The following PCLO variants were observed in gnomAD, a reference collection of about 807,000 sequenced individuals.
PCLO encodes protein piccolo.
A neutral mutation model predicts 427.5 loss-of-function variants in PCLO; 82 were observed. The observed-to-expected ratio is 0.19, with a 90% confidence interval of 0.16 to 0.23. The LOEUF (loss-of-function observed/expected upper bound fraction) is 0.23, where lower values mean the gene tolerates loss of function less well. Among genes scored for constraint, PCLO ranks in the 10% least tolerant of loss-of-function variants. PCLO has a pLI of 1.00. For missense variants in PCLO, 6,239 were observed against 6,115.9 expected (o/e 1.02, Z -0.67); for synonymous variants, 2,357 against 2,155.4 (o/e 1.09, Z -2.59).
chr7:83,016,132 A>T (rs1220414822), intron 3 of PCLO, among the ~76,000 whole-genome samples: 1 of 152,140 alleles, frequency 6.6e-6, no homozygotes, highest in African/African-American at 2.4e-5. Context: ...AAGAAAGGAC[A>T]TGGCACAGGG....
At chr7:82,979,840 AT>A (rs1161522640) in intron 3 of PCLO, among the ~76,000 whole-genome samples, 1 of 152,224 alleles carries the variant, frequency 6.6e-6, no homozygotes, top group Non-Finnish European at 1.5e-5. Flanking sequence ...CAGCAAATAC[AT>A]TACCATTAGT....
At position 83,097,338 on chromosome 7, in the gene PCLO, C is replaced by G. The variant is rs956317467; in HGVS notation, c.3300+36912G>C. 4.2e-5 allele frequency among the ~76,000 whole-genome samples: 6 copies of G among 143,484 alleles called. 1 individual carries two copies. The Admixed American group carries it at 4.4e-4, about 11-fold the overall frequency. The allele number at this position is 143,484 out of a possible 152,430, so 94.1% of individuals were successfully genotyped here. A position where few individuals can be genotyped will look rare whatever the true frequency, so the allele number is the denominator to read the frequency against. On this transcript the variant is annotated intron_variant, in intron 3 of 24. Transcript: ENST00000333891. ...GAGATCAAGACCATCCTGGCTAAAA[C>G]GATGAAACCCCATCTCCACTACAAA...
chr7:82,903,749 A>G (rs1318541669), intron 8 of PCLO, among the ~76,000 whole-genome samples: 2 of 151,976 alleles, frequency 1.3e-5, no homozygotes, highest in South Asian at 4.1e-4. Flanking sequence ...AATATAGATA[A>G]AAATTTCATA....
chr7:83,057,233 C>G (rs1458769034), intron 3 of PCLO, among the ~76,000 whole-genome samples: 1 of 136,678 alleles, frequency 7.3e-6, no homozygotes, highest in African/African-American at 2.8e-5. Context: ...CTAGTAGAGA[C>G]AGGGGTCTCA....
chr7:82,932,155 G>A (rs994517038), intron 6 of PCLO, among the ~76,000 whole-genome samples: 2 of 152,114 alleles, frequency 1.3e-5, no homozygotes, highest in Non-Finnish European at 2.9e-5. Context: ...TGTAGGAGGA[G>A]GGTTTAGCAG....
chr7:83,009,777 T>G (rs186594880), intron 3 of PCLO, among the ~76,000 whole-genome samples: 1 of 151,960 alleles, frequency 6.6e-6, no homozygotes. Flanking sequence ...CAAATGTTAT[T>G]GGGTTCCATA....
intron 3 of PCLO, among the ~76,000 whole-genome samples, chr7:83,083,394 CATTA>C (rs1296383896): frequency 1.3e-5 from 2 of 152,028 alleles, no homozygotes; most frequent in East Asian, 3.9e-4. Context: ...ACAACAAAAT[CATTA>C]ATTATCTGTG....
intron 10 of PCLO, among the ~76,000 whole-genome samples, chr7:82,867,491 C>T (rs1793125708): frequency 6.6e-6 from 1 of 152,078 alleles, no homozygotes; most frequent in Non-Finnish European, 1.5e-5. Flanking sequence ...ACTGGAGATA[C>T]TAAAGCATTG....
chr7:83,060,489 T>C (rs1009456432), intron 3 of PCLO, among the ~76,000 whole-genome samples: 3 of 152,202 alleles, frequency 2.0e-5, no homozygotes, highest in African/African-American at 7.2e-5. Flanking sequence ...TGCTTCCAGC[T>C]GCTGCTCAGC....
rs563979624 is a variant in PCLO at position 82,992,200 on chromosome 7, T to C, written c.3301-25713A>G. On this transcript the variant is annotated intron_variant, in intron 3 of 24. Coordinates refer to ENST00000333891, the MANE Select transcript of PCLO (RefSeq NM_033026.6). ...CCTTGGTCCCACACCATTGGAACTA[T>C]GTGTCCTAGTATCTCTGGCCTTTGT... 1.7e-4 allele frequency among the ~76,000 whole-genome samples: 26 copies of C among 152,198 alleles called. No homozygotes were observed. In the South Asian group the frequency reaches 4.8e-3, roughly 28 times the overall value.
intron 6 of PCLO, among the ~76,000 whole-genome samples, chr7:82,933,183 G>A (rs934468837): frequency 9.2e-5 from 14 of 151,980 alleles, no homozygotes; most frequent in Admixed American, 2.6e-4. Context: ...GTTCCTATCA[G>A]GTTAGATTGG....
intron 3 of PCLO, among the ~76,000 whole-genome samples, chr7:83,089,722 G>C (rs1200563536): frequency 5.7e-4 from 87 of 152,282 alleles, no homozygotes; most frequent in Non-Finnish European, 7.3e-5. Flanking sequence ...GCAGGGGAAA[G>C]AGGCAAGGCA....
chr7:82,881,002 C>T (rs774960713), intron 9 of PCLO, among the ~76,000 whole-genome samples: 24 of 152,030 alleles, frequency 1.6e-4, no homozygotes, highest in Non-Finnish European at 3.4e-4. Flanking sequence ...AATAGTTTTT[C>T]TTTTCCCAGC....
chr7:82,824,160 C>T (rs893914488), intron 19 of PCLO, 76 bp downstream of exon 19: 113 of 970,096 alleles, frequency 1.2e-4, no homozygotes, highest in Non-Finnish European at 1.6e-4. Flanking sequence ...GTTAAATGTA[C>T]AAACATTCAC....
chr7:82,868,847 A>T (rs943862817), intron 10 of PCLO, among the ~76,000 whole-genome samples: 17 of 152,318 alleles, frequency 1.1e-4, no homozygotes, highest in African/African-American at 3.6e-4. Flanking sequence ...AAATTTATCA[A>T]TTATAATAAT....
intron 9 of PCLO, among the ~76,000 whole-genome samples, chr7:82,889,067 G>A (rs944270619): frequency 2.0e-5 from 3 of 151,392 alleles, no homozygotes; most frequent in East Asian, 3.9e-4. Flanking sequence ...ACTATTCAGC[G>A]GAGCCAAACA....
chr7:82,903,056 T>C (rs544774924), intron 8 of PCLO, among the ~76,000 whole-genome samples: 2 of 152,132 alleles, frequency 1.3e-5, no homozygotes, highest in Admixed American at 1.3e-4. Context: ...TCAATATTGG[T>C]GACCTCGGAT....
intron 3 of PCLO, among the ~76,000 whole-genome samples, chr7:82,989,711 T>C (rs1796335331): frequency 6.6e-6 from 1 of 152,168 alleles, no homozygotes; most frequent in African/African-American, 2.4e-5. Flanking sequence ...CTGTAGACAG[T>C]GAGATGCTAT....
intron 3 of PCLO, among the ~76,000 whole-genome samples, chr7:83,022,204 A>G (rs985096703): frequency 2.6e-5 from 4 of 152,158 alleles, no homozygotes; most frequent in Admixed American, 6.5e-5. Context: ...GGTGCTGTCT[A>G]TGAGGAATGG....
Sources: gnomAD v4.1 joint callset for allele counts (sites outside exome capture counted in the v4.1 genomes callset) on GRCh38, gnomAD v4.1.1 for gene constraint, MANE v1.5 for transcripts, NCBI Gene and HGNC (gene_info 2026-07-23, HGNC 2026-07-21) for gene names.